The following GFI1B variants were observed in gnomAD, a reference collection of about 807,000 sequenced individuals.
The protein encoded by GFI1B is growth factor independent 1B transcriptional repressor, also known as zinc finger protein Gfi-1b.
GFI1B carries 20 observed loss-of-function variants against 35.3 expected under a neutral mutation model. The observed-to-expected ratio is 0.57, with a 90% CI of 0.40 to 0.82. The LOEUF is 0.82. Ranked by LOEUF, GFI1B falls within the 40% of genes least tolerant of loss-of-function variation. The pLI is 0.00. For synonymous variants in GFI1B, 178 were observed against 177.6 expected, an observed-to-expected ratio of 1.00 and a Z score of -0.02; for missense variants, 430 against 446.3, an observed-to-expected ratio of 0.96 and a Z score of 0.33.
At chr9:132,962,288 C>A (rs1269320053) in intron 1 of GFI1B, among the ~76,000 whole-genome samples, 2 of 152,068 alleles carry the variant, frequency 1.3e-5, no homozygotes, top group Non-Finnish European at 2.9e-5. Context: ...CAGATGCGAG[C>A]CACCATGCCT....
At chr9:132,955,522 C>T (rs538159455) in intron 1 of GFI1B, among the ~76,000 whole-genome samples, 1 of 152,098 alleles carries the variant, frequency 6.6e-6, no homozygotes, top group Non-Finnish European at 1.5e-5. Flanking sequence ...GAACTCCTGG[C>T]CTTAAGTGAT....
chr9:132,970,411 A>C (rs1848515508), intron 1 of GFI1B, among the ~76,000 whole-genome samples: 1 of 152,166 alleles, frequency 6.6e-6, no homozygotes, highest in Non-Finnish European at 1.5e-5. Context: ...TACCCTCCTA[A>C]GGCTGGCTAA....
intron 1 of GFI1B, among the ~76,000 whole-genome samples, chr9:132,968,264 C>T (rs1848480983): frequency 6.6e-6 from 1 of 151,976 alleles, no homozygotes; most frequent in Non-Finnish European, 1.5e-5. Flanking sequence ...CACATGCATG[C>T]CACCACACCT....
chr9:132,947,427 A>AAG (rs1848133279), intron 1 of GFI1B, among the ~76,000 whole-genome samples: 1 of 94,382 alleles, frequency 1.1e-5, no homozygotes, highest in African/African-American at 4.1e-5. Context: ...AAAAAAAAAA[A>AAG]AAAGAAAGAA....
intron 1 of GFI1B, among the ~76,000 whole-genome samples, chr9:132,949,268 TACAC>T (rs36015720): frequency 0.15 from 20,213 of 137,296 alleles, 1,510 homozygotes; most frequent in Middle Eastern, 0.2. Context: ...AACCCACAGA[TACAC>T]ACACACACAC....
upstream of GFI1B, among the ~76,000 whole-genome samples, chr9:132,974,013 C>T (rs72759453): frequency 0.016 from 2,487 of 152,312 alleles, 51 homozygotes; most frequent in East Asian, 0.087. Flanking sequence ...GAGGAGGAAT[C>T]TCTCTTTCCA....
At position 132,961,650 on chromosome 9, in the gene GFI1B, G is replaced by A. The variant is rs1311948927; in HGVS notation, c.-700-11075G>A. Reference sequence around the variant, plus strand: ...TCTGTCGCCCAGGCTGGAGTGCAGTGGTGCAATCTTGGCTCACTGCAAGCT... The same window carrying A: ...TCTGTCGCCCAGGCTGGAGTGCAGTAGTGCAATCTTGGCTCACTGCAAGCT... On this transcript the variant is annotated intron_variant, in intron 1 of 10. Coordinates refer to the GFI1B transcript ENST00000339463. Among the ~76,000 whole-genome samples the A allele has an allele frequency of 1.0e-4, 15 of 149,132 alleles. No homozygotes were observed. The East Asian group carries it at 2.5e-3, about 25-fold the overall frequency.
chr9:132,948,934 G>A (rs1001098523), intron 1 of GFI1B, among the ~76,000 whole-genome samples: 4 of 152,174 alleles, frequency 2.6e-5, no homozygotes, highest in South Asian at 2.1e-4. Flanking sequence ...ACCAAAGTGC[G>A]GCAGGGTCAG....
chr9:132,986,788 A>G lies in GFI1B; in HGVS notation c.100+10A>G. 6.3e-7 allele frequency: 1 copy of G among 1,577,476 alleles called. No homozygotes were observed. Among genetic ancestry groups the G allele is most frequent in the Admixed American group, 1.7e-5 (1 of 58,614 alleles). ...CCTGCCCTTACCCCGGGTGAGTCAG[A>G]GCCCGGGCTGGCGCCTGCTGCACCC... is the stretch of plus-strand genomic sequence containing the variant. On this transcript the variant is annotated intron_variant, in intron 2 of 6. Coordinates refer to ENST00000372122, the MANE Select transcript of GFI1B (RefSeq NM_001377304.1).
intron 1 of GFI1B, among the ~76,000 whole-genome samples, chr9:132,947,809 CAAAA>C (rs58406908): frequency 1.2e-5 from 1 of 86,086 alleles, no homozygotes; most frequent in Non-Finnish European, 2.5e-5. Context: ...ACTTGGTCTC[CAAAA>C]AAAAAAAAAA....
intron 1 of GFI1B, among the ~76,000 whole-genome samples, chr9:132,958,539 A>G (rs1334781790): frequency 6.6e-6 from 1 of 152,180 alleles, no homozygotes; most frequent in Non-Finnish European, 1.5e-5. Flanking sequence ...GTCATTCACT[A>G]TCAAGAGGAC....
intron 1 of GFI1B, among the ~76,000 whole-genome samples, chr9:132,964,348 C>A (rs1267603283): frequency 6.6e-6 from 1 of 152,202 alleles, no homozygotes; most frequent in Non-Finnish European, 1.5e-5. Context: ...GACTTCACTA[C>A]TATGCAATCT....
At chr9:132,974,131 G>T (rs1447343932), upstream of GFI1B, among the ~76,000 whole-genome samples, 1 of 152,030 alleles carries the variant, frequency 6.6e-6, no homozygotes, top group Non-Finnish European at 1.5e-5. Context: ...TGGAGAGAGA[G>T]TCATTCATTC....
At chr9:132,954,574 CAAAAAAA>C (rs111946842) in intron 1 of GFI1B, among the ~76,000 whole-genome samples, 1 of 107,714 alleles carries the variant, frequency 9.3e-6, no homozygotes, top group Non-Finnish European at 2.0e-5. Context: ...GACTCTGTCT[CAAAAAAA>C]AAAAAAAAGA....
intron 1 of GFI1B, among the ~76,000 whole-genome samples, chr9:132,961,196 A>T (rs765624330): frequency 1.7e-4 from 26 of 152,232 alleles, no homozygotes; most frequent in Admixed American, 5.2e-4. Flanking sequence ...ATGGCTGAAC[A>T]GTCAGAAACA....
chr9:132,959,194 G>A (rs1188206966), intron 1 of GFI1B, among the ~76,000 whole-genome samples: 2 of 152,136 alleles, frequency 1.3e-5, no homozygotes, highest in African/African-American at 2.4e-5. Flanking sequence ...GGAAACTGGG[G>A]GAGGTAATTG....
intron 1 of GFI1B, among the ~76,000 whole-genome samples, chr9:132,969,038 G>T (rs2905074): frequency 0.8 from 121,534 of 151,390 alleles, 48,880 homozygotes; most frequent in African/African-American, 0.82. Context: ...TTTGTTTTAT[G>T]TTTTTTTTGA....
At chr9:132,992,825 C>G (rs553851526), downstream of GFI1B, among the ~76,000 whole-genome samples, 1 of 152,302 alleles carries the variant, frequency 6.6e-6, no homozygotes, top group Non-Finnish European at 1.5e-5. Flanking sequence ...CCCCCCATCC[C>G]ACACCAATCC....
chr9:132,987,219 T>C (rs1473058252), intron 2 of GFI1B, 63 bp from the exon 3 acceptor site: 1 of 1,567,202 alleles, frequency 6.4e-7, no homozygotes, highest in Non-Finnish European at 8.7e-7. Flanking sequence ...CGTGCCCTCC[T>C]TGCTCCCTCT....
Sources: gnomAD v4.1 joint callset for allele counts (sites outside exome capture counted in the v4.1 genomes callset) on GRCh38, gnomAD v4.1.1 for gene constraint, MANE v1.5 for transcripts, NCBI Gene and HGNC (gene_info 2026-07-23, HGNC 2026-07-21) for gene names.